The following MYO7A variants were observed in gnomAD, a reference collection of about 807,000 sequenced individuals.
The protein encoded by MYO7A is unconventional myosin-VIIa.
A neutral mutation model predicts 263.8 loss-of-function variants in MYO7A; 210 were observed. The ratio of observed to expected loss-of-function variants is 0.80; its 90% confidence interval spans 0.71 to 0.89. The LOEUF (loss-of-function observed/expected upper bound fraction) is 0.89, where lower values mean the gene tolerates loss of function less well. MYO7A is among the 40% of genes least tolerant of loss of function. The pLI, the probability that MYO7A is intolerant of heterozygous loss-of-function variation, is 0.00. For missense variants in MYO7A, 2,820 were observed against 2,968.3 expected (o/e 0.95, Z 1.16); for synonymous variants, 1,239 against 1,197.3 (o/e 1.03, Z -0.72).
chr11:77,204,313 C>T (rs889968398), intron 39 of MYO7A, 84 bp downstream of exon 39: 1 of 1,501,902 alleles, frequency 6.7e-7, no homozygotes, highest in Non-Finnish European at 9.0e-7. Flanking sequence ...CAGCTGCTGG[C>T]TCTGCCTGGA....
intron 28 of MYO7A, among the ~76,000 whole-genome samples, 175 bp from the exon 29 acceptor site, chr11:77,189,845 G>A (rs545517132): frequency 2.0e-5 from 3 of 152,362 alleles, no homozygotes; most frequent in South Asian, 2.1e-4. Context: ...AGCGGGAGGT[G>A]GGGGAGGCCA....
chr11:77,205,538 C>A lies in MYO7A; in HGVS notation c.5557C>A (p.His1853Asn), dbSNP rs370192806. The A allele has an allele frequency of 3.1e-6, 5 of 1,609,754 alleles. No individual in the cohort carries two copies. In the African/African-American group the frequency reaches 6.7e-5, roughly 22 times the overall value. ...LFPPSNILLP[H>N]VQRFLQSRKH... ...CCCACCCAGCAACATCCTCCTGCCC[C>A]ACGTGCAGCGCTTCCTGCAGTCCCG... Residue 1853 changes from histidine to asparagine, a missense_variant, in exon 40 of 49, where the codon CAC (histidine) becomes AAC (asparagine). Transcript: ENST00000409709.
In MYO7A at chr11:77,181,390, C is replaced by A; in HGVS notation, c.2705C>A (p.Ala902Asp). Reference sequence around the variant, plus strand: ...ACCCCAATTGCCCAGGAGCGCCTGGCCCAGCTGGCTCGTGAGGACGCTGAG... The same window carrying A: ...ACCCCAATTGCCCAGGAGCGCCTGGACCAGCTGGCTCGTGAGGACGCTGAG... The part of the protein sequence containing the change: ...EAERKHQERL[A>D]QLAREDAERE... The change falls in exon 23 of 49, where the codon GCC (alanine) becomes GAC (aspartate). Residue 902 changes from alanine (A) to aspartate (D), a missense_variant. By Grantham distance (126) the Ala-to-Asp change is moderately radical. Transcript: ENST00000409709. 6.4e-7 allele frequency: 1 copy of A among 1,566,608 alleles called. No individual in the cohort carries two copies. The highest frequency in any genetic ancestry group is 1.2e-5 in the South Asian group (1 of 85,346).
At chr11:77,194,918 C>T (rs1791192167) in intron 32 of MYO7A, among the ~76,000 whole-genome samples, 1 of 152,126 alleles carries the variant, frequency 6.6e-6, no homozygotes, top group African/African-American at 2.4e-5. Flanking sequence ...AGGGACAGGC[C>T]CCCTTGACCC....
At chr11:77,157,633 A>G (rs1314701244) in intron 8 of MYO7A, among the ~76,000 whole-genome samples, 3 of 151,824 alleles carry the variant, frequency 2.0e-5, no homozygotes, top group Admixed American at 2.0e-4. Flanking sequence ...TCCTTTAGCC[A>G]TGGGGAGAGC....
At chr11:77,155,185 A>G (rs536781699) in intron 4 of MYO7A, among the ~76,000 whole-genome samples, 155 of 152,250 alleles carry the variant, frequency 1.0e-3, no homozygotes, top group African/African-American at 3.0e-3. Flanking sequence ...CTGTGGCAGG[A>G]CCTCAAGGCC....
intron 41 of MYO7A, 55 bp downstream of exon 41, chr11:77,206,257 G>C: frequency 1.4e-6 from 2 of 1,392,388 alleles, no homozygotes; most frequent in Non-Finnish European, 2.0e-6. Context: ...CGGGCTTCCT[G>C]GGTGGACACC....
At chr11:77,203,038 G>T in intron 37 of MYO7A, 22 bp from the exon 38 acceptor site, 1 of 1,545,300 alleles carries the variant, frequency 6.5e-7, no homozygotes, top group Non-Finnish European at 8.7e-7. Flanking sequence ...GGGCGTTGCT[G>T]ACGGTCCCTG....
intron 44 of MYO7A, chr11:77,210,908 T>A (rs1957816995): frequency 2.1e-6 from 1 of 477,972 alleles, no homozygotes; most frequent in Admixed American, 3.5e-5. Context: ...TGGGGGGACA[T>A]GAGGTAACAG....
At chr11:77,210,995 C>G in intron 44 of MYO7A, 157 bp from the exon 45 acceptor site, 1 of 673,322 alleles carries the variant, frequency 1.5e-6, no homozygotes, top group Non-Finnish European at 2.5e-6. Context: ...TGTGCCGTAT[C>G]CCCTGGGGGA....
At chr11:77,201,391 G>A in intron 35 of MYO7A, 57 bp from the exon 36 acceptor site, 2 of 1,531,658 alleles carry the variant, frequency 1.3e-6, no homozygotes, top group Non-Finnish European at 1.8e-6. Flanking sequence ...TCTGTGGGAA[G>A]ATGTTCCAAC....
intron 15 of MYO7A, among the ~76,000 whole-genome samples, chr11:77,168,614 G>A (rs1393107305): frequency 1.3e-5 from 2 of 152,182 alleles, no homozygotes; most frequent in Non-Finnish European, 2.9e-5. Context: ...GGGCAACATA[G>A]TGAGACCCTG....
chr11:77,177,018 A>C (rs1234283227), intron 18 of MYO7A, among the ~76,000 whole-genome samples: 1 of 152,096 alleles, frequency 6.6e-6, no homozygotes, highest in African/African-American at 2.4e-5. Context: ...AGGGTGAGGA[A>C]CCCAGGCTCG....
intron 35 of MYO7A, among the ~76,000 whole-genome samples, chr11:77,200,063 G>A (rs1591461854): frequency 6.6e-6 from 1 of 152,170 alleles, no homozygotes; most frequent in South Asian, 2.1e-4. Flanking sequence ...GAGGCCAGGA[G>A]TTCAAGACCA....
intron 18 of MYO7A, among the ~76,000 whole-genome samples, chr11:77,176,948 G>C (rs1371652786): frequency 6.6e-6 from 1 of 152,150 alleles, no homozygotes; most frequent in Admixed American, 6.5e-5. Flanking sequence ...TCTTGGATGA[G>C]GAGGAGAGAG....
intron 37 of MYO7A, 88 bp downstream of exon 37, chr11:77,202,512 T>A: frequency 1.4e-6 from 2 of 1,479,606 alleles, no homozygotes; most frequent in Non-Finnish European, 1.8e-6. Flanking sequence ...GGCTGCTTTG[T>A]GAAGCCCCCA....
intron 14 of MYO7A, among the ~76,000 whole-genome samples, chr11:77,164,273 C>T (rs954219402): frequency 7.4e-6 from 1 of 135,630 alleles, no homozygotes; most frequent in African/African-American, 2.7e-5. Context: ...GTGTAAAGGG[C>T]CAACCACAAA....
intron 1 of MYO7A, among the ~76,000 whole-genome samples, chr11:77,129,479 G>C (rs1950701409): frequency 2.0e-5 from 3 of 152,164 alleles, no homozygotes; most frequent in African/African-American, 7.2e-5. Context: ...CCTCATACCA[G>C]GGTCTGTAGG....
At chr11:77,210,435 G>A (rs943506135) in intron 44 of MYO7A, among the ~76,000 whole-genome samples, 1 of 152,096 alleles carries the variant, frequency 6.6e-6, no homozygotes, top group Admixed American at 6.5e-5. Flanking sequence ...TGGACAGATA[G>A]GGAGATGGAT....
Sources: allele counts gnomAD v4.1 joint callset (sites outside exome capture counted in the v4.1 genomes callset), GRCh38; gene constraint gnomAD v4.1.1; transcripts MANE v1.5; gene names NCBI Gene and HGNC (gene_info 2026-07-23, HGNC 2026-07-21).